LPP: variants seen among roughly 807,000 people sequenced by gnomAD.
The protein encoded by LPP is LIM domain containing preferred translocation partner in lipoma, also known as lipoma-preferred partner.
A neutral mutation model predicts 60.4 loss-of-function variants in LPP; 38 were observed. That is an observed-to-expected ratio of 0.63 (90% confidence interval 0.49 to 0.83). The LOEUF (loss-of-function observed/expected upper bound fraction) is 0.83, where lower values mean the gene tolerates loss of function less well. Ranked by LOEUF, LPP falls within the 40% of genes least tolerant of loss-of-function variation. The probability of loss-of-function intolerance (pLI) is 0.00; values close to 1 mark genes in which losing one functional copy is unlikely to be tolerated. For synonymous variants in LPP, 328 were observed against 290.8 expected (o/e 1.13, Z -1.30); for missense variants, 902 against 783.6 (o/e 1.15, Z -1.80).
rs184543745 is a variant in LPP at position 188,571,162 on chromosome 3, C to A, written c.430-37999C>A. Among the ~76,000 whole-genome samples the A allele has an allele frequency of 2.4e-4, 36 of 152,186 alleles. 1 individual carries two copies. The Middle Eastern group carries it at 0.01, about 43-fold the overall frequency. Reference sequence around the variant, plus strand: ...TCTGGGCAAAGATTAAGTCTTATTTCATGCTCCATGAGGATCAAGCACACA... The same window carrying A: ...TCTGGGCAAAGATTAAGTCTTATTTAATGCTCCATGAGGATCAAGCACACA... On this transcript the variant is annotated intron_variant, in intron 6 of 11. Transcript: ENST00000617246.
At chr3:188,504,282 T>C (rs1384945388) in intron 5 of LPP, among the ~76,000 whole-genome samples, 1 of 152,058 alleles carries the variant, frequency 6.6e-6, no homozygotes, top group Non-Finnish European at 1.5e-5. Flanking sequence ...CACAATTGCT[T>C]TTTTTTCTTT....
intron 1 of LPP, among the ~76,000 whole-genome samples, chr3:188,220,779 G>A (rs1244722791): frequency 6.6e-6 from 1 of 152,110 alleles, no homozygotes; most frequent in Non-Finnish European, 1.5e-5. Context: ...CAGTGGGTCT[G>A]TTATGTTGGT....
chr3:188,299,325 A>G (rs1748972465), intron 2 of LPP, among the ~76,000 whole-genome samples: 1 of 152,178 alleles, frequency 6.6e-6, no homozygotes, highest in South Asian at 2.1e-4. Flanking sequence ...TGTCTGATCA[A>G]TGGGACAGGA....
chr3:188,264,655 A>G (rs899718156), intron 2 of LPP, among the ~76,000 whole-genome samples: 29 of 152,102 alleles, frequency 1.9e-4, no homozygotes, highest in African/African-American at 6.8e-4. Context: ...CTGGAGAGAA[A>G]GTTCAGAGGG....
chr3:188,354,414 C>A (rs1766887782), intron 3 of LPP, among the ~76,000 whole-genome samples: 1 of 151,796 alleles, frequency 6.6e-6, no homozygotes. Context: ...GCATGTGGGC[C>A]TATTTCTGTA....
intron 2 of LPP, among the ~76,000 whole-genome samples, chr3:188,292,518 C>G (rs144257584): frequency 6.6e-6 from 1 of 152,300 alleles, no homozygotes; most frequent in Non-Finnish European, 1.5e-5. Flanking sequence ...GGAATATGCT[C>G]TTAAGTTTCC....
chr3:188,326,042 T>C (rs1758339204), intron 2 of LPP, among the ~76,000 whole-genome samples: 1 of 152,202 alleles, frequency 6.6e-6, no homozygotes, highest in Admixed American at 6.5e-5. Flanking sequence ...GTTGTTGGAA[T>C]CTGATTTAGG....
chr3:188,757,892 T>TTTTTTTG (rs1553833809), intron 8 of LPP, among the ~76,000 whole-genome samples: 3 of 146,784 alleles, frequency 2.0e-5, no homozygotes, highest in Non-Finnish European at 3.0e-5. Context: ...TTTTTTGGTT[T>TTTTTTTG]TTTTTTTTTT....
At chr3:188,669,930 AG>A (rs1248464257) in intron 7 of LPP, among the ~76,000 whole-genome samples, 1 of 152,256 alleles carries the variant, frequency 6.6e-6, no homozygotes, top group Non-Finnish European at 1.5e-5. Flanking sequence ...GCCATAAAAA[AG>A]GATGAGTTCA....
intron 7 of LPP, among the ~76,000 whole-genome samples, chr3:188,629,510 C>T (rs1199425804): frequency 1.3e-5 from 2 of 151,872 alleles, no homozygotes; most frequent in Admixed American, 6.6e-5. Context: ...ATACAGCTAA[C>T]CAGGGAGGTG....
chr3:188,411,596 G>T (rs189149716), intron 4 of LPP, among the ~76,000 whole-genome samples: 1 of 152,202 alleles, frequency 6.6e-6, no homozygotes, highest in African/African-American at 2.4e-5. Context: ...AACAAGATAA[G>T]ATAATGCAAT....
At chr3:188,511,243 A>ACTCCCTTCC (rs1220630330) in intron 5 of LPP, among the ~76,000 whole-genome samples, 8 of 14,344 alleles carry the variant, frequency 5.6e-4, no homozygotes, top group Non-Finnish European at 1.0e-3. Flanking sequence ...TCCCTCCCTC[A>ACTCCCTTCC]CTCCCTTCCC....
At chr3:188,490,928 T>C (rs1579310462) in intron 5 of LPP, among the ~76,000 whole-genome samples, 1 of 151,786 alleles carries the variant, frequency 6.6e-6, no homozygotes, top group South Asian at 2.1e-4. Context: ...CTAATTTTTT[T>C]AGTTTTTTAT....
chr3:188,348,237 C>T (rs1354118755), intron 3 of LPP, among the ~76,000 whole-genome samples: 1 of 152,046 alleles, frequency 6.6e-6, no homozygotes, highest in African/African-American at 2.4e-5. Flanking sequence ...ACCTCTGCCT[C>T]CTGGGTTCAA....
intron 5 of LPP, among the ~76,000 whole-genome samples, chr3:188,512,653 A>G (rs771408883): frequency 2.6e-5 from 4 of 152,140 alleles, no homozygotes; most frequent in African/African-American, 9.7e-5. Flanking sequence ...CTCTGAGTAC[A>G]TGATATGGAA....
chr3:188,890,014 G>A lies in LPP; in HGVS notation c.*15535G>A, dbSNP rs1771081798. ...TTTTTTCCTTGGAAACAAATGGACT[G>A]GGAAGAAACACAGCATGGCTTTGCT... On this transcript the variant is annotated 3_prime_UTR_variant, in exon 12 of 12. Transcript: ENST00000617246. The A allele has an allele frequency of 4.7e-6, 1 of 213,600 alleles. No homozygotes were observed. The highest frequency in any genetic ancestry group is 9.4e-6 in the Non-Finnish European group (1 of 105,850). 13.2% of individuals were successfully genotyped at this position (213,600 alleles called of 1,614,324 possible). A position where few individuals can be genotyped will look rare whatever the true frequency, so the allele number is the denominator to read the frequency against.
rs1314772294 is a variant in LPP, at chr3:188,609,693, G to A, written c.962G>A (p.Gly321Asp). 18 of 1,614,060 alleles carry A rather than the reference G, an allele frequency of 1.1e-5. No individual in the cohort carries two copies. The highest frequency in any genetic ancestry group is 1.7e-5 in the Admixed American group (1 of 60,010). ...NDSDPTYGQQGHPNTWKREPG... is the reference protein window; with the variant it reads ...NDSDPTYGQQDHPNTWKREPG... ...TCTGACCCTACCTATGGTCAACAAG[G>A]TCACCCAAATACCTGGAAACGGGAA... Residue 321 changes from glycine (G) to aspartate (D), a missense_variant, in exon 7 of 12, where the codon GGT becomes GAT. Coordinates refer to ENST00000617246, the MANE Select transcript of LPP (RefSeq NM_001375462.1). The surrounding 1 kb of genome is among the most constrained non-coding windows in gnomAD (Gnocchi z 6.9).
At chr3:188,506,949 C>A (rs928898003) in intron 5 of LPP, among the ~76,000 whole-genome samples, 2 of 152,062 alleles carry the variant, frequency 1.3e-5, no homozygotes, top group African/African-American at 4.8e-5. Flanking sequence ...AGGCGCCCAC[C>A]ACCACACCTG....
At chr3:188,163,750 T>A (rs948128718) in intron 1 of LPP, among the ~76,000 whole-genome samples, 8 of 146,550 alleles carry the variant, frequency 5.5e-5, no homozygotes, top group African/African-American at 2.0e-4. Context: ...GAGACCAGCC[T>A]GGTCAACATG....
Sources: allele counts gnomAD v4.1 joint callset (sites outside exome capture counted in the v4.1 genomes callset), GRCh38; gene constraint gnomAD v4.1.1; non-coding constraint Gnocchi (gnomAD v3.1); transcripts MANE v1.5; gene names NCBI Gene and HGNC (gene_info 2026-07-23, HGNC 2026-07-21).